The following SLC19A3 variants were observed in gnomAD, a reference collection of about 807,000 sequenced individuals.
SLC19A3 encodes the protein solute carrier family 19 member 3.
A neutral mutation model predicts 40.2 loss-of-function variants in SLC19A3; 31 were observed. The ratio of observed to expected loss-of-function variants is 0.77; its 90% CI spans 0.58 to 1.04. The LOEUF (loss-of-function observed/expected upper bound fraction) is 1.04. Among genes scored for constraint, SLC19A3 ranks in the 50% least tolerant of loss-of-function variants. The pLI, the probability that SLC19A3 is intolerant of heterozygous loss-of-function variation, is 0.00. For synonymous variants in SLC19A3, 212 were observed against 227.5 expected, an observed-to-expected ratio of 0.93 and a Z score of 0.61; for missense variants, 592 against 596.7, an observed-to-expected ratio of 0.99 and a Z score of 0.08.
At chr2:227,687,673 T>G (rs1695070403) in intron 5 of SLC19A3, 100 bp from the exon 6 acceptor site, 12 of 1,274,434 alleles carry the variant, frequency 9.4e-6, no homozygotes, top group Non-Finnish European at 1.3e-5. Context: ...ATGGGGTAAC[T>G]GAGACCCAGG....
intron 2 of SLC19A3, among the ~76,000 whole-genome samples, chr2:227,699,790 T>G (rs549417179): frequency 4.6e-5 from 7 of 152,202 alleles, no homozygotes; most frequent in Non-Finnish European, 1.0e-4. Context: ...TATATTGGCT[T>G]ATTGTGCAAT....
intron 1 of SLC19A3, among the ~76,000 whole-genome samples, chr2:227,710,387 C>T (rs1696095794): frequency 6.6e-6 from 1 of 152,184 alleles, no homozygotes; most frequent in Non-Finnish European, 1.5e-5. Flanking sequence ...GTTTGCCAGA[C>T]TCCATCTCTA....
intron 4 of SLC19A3, among the ~76,000 whole-genome samples, chr2:227,689,593 C>T (rs956353809): frequency 6.6e-6 from 1 of 152,152 alleles, no homozygotes; most frequent in African/African-American, 2.4e-5. Context: ...ACCTGTCCTA[C>T]AAGAAATGCT....
Position 227,695,996 on chromosome 2 carries a change from G to C in SLC19A3, c.1065C>G (p.Val355=). 1 of 1,614,102 alleles carries C rather than the reference G, an allele frequency of 6.2e-7. No individual in the cohort carries two copies. The highest frequency in any genetic ancestry group is 8.5e-7 in the Non-Finnish European group (1 of 1,180,012). Reference sequence around the variant, plus strand: ...GCATGAGAAATAAAGAACCGGCATTGACAACTGAGAAGACCACCAGAGCCA... The same window carrying C: ...GCATGAGAAATAAAGAACCGGCATTCACAACTGAGAAGACCACCAGAGCCA... ...GELALVVFSV[V]NAGSLFLMHY... Residue 355 remains valine, a synonymous_variant, in exon 4 of 6, where the codon GTC becomes GTG. Coordinates refer to ENST00000644224, the MANE Select transcript of SLC19A3 (RefSeq NM_025243.4).
rs1269783146 is a variant in SLC19A3 at position 227,686,318 on chromosome 2, C to T, written c.*1079G>A. On this transcript the variant is annotated 3_prime_UTR_variant, in exon 6 of 6. Coordinates refer to ENST00000644224, the MANE Select transcript of SLC19A3 (RefSeq NM_025243.4). ...ATTTTAGACAGACACCACACAGGTG[C>T]TCTTTTTTGGGAGGAGGGGGATGAG... 1.4e-5 allele frequency: 4 copies of T among 287,890 alleles called. No homozygotes were observed. The East Asian group carries it at 4.9e-4, about 35-fold the overall frequency. 17.8% of individuals were successfully genotyped at this position (287,890 alleles called of 1,614,324 possible).
chr2:227,705,940 T>A (rs1020401509), intron 1 of SLC19A3, among the ~76,000 whole-genome samples: 17 of 151,934 alleles, frequency 1.1e-4, no homozygotes, highest in African/African-American at 4.1e-4. Context: ...CCTAGCTACT[T>A]GGGAGGCTGA....
At chr2:227,697,155 A>G (rs1284948757) in intron 3 of SLC19A3, among the ~76,000 whole-genome samples, 2 of 148,052 alleles carry the variant, frequency 1.4e-5, no homozygotes, top group Admixed American at 6.7e-5. Context: ...ACCACAGAGG[A>G]AAAAAAAAAT....
chr2:227,704,895 A>ATTATTATTG (rs1695867431), intron 1 of SLC19A3, among the ~76,000 whole-genome samples: 1 of 151,850 alleles, frequency 6.6e-6, no homozygotes, highest in Non-Finnish European at 1.5e-5. Flanking sequence ...TATTATTATT[A>ATTATTATTG]TTTGAGATGG....
At position 227,695,888 on chromosome 2, in the gene SLC19A3, C is replaced by T. The variant is rs1219632810; in HGVS notation, c.1172+1G>A. ...TTTTAGGAGTGGTTGGTAAAACTTACACTGCTATGGTTATAAGAAGCATAT... is the reference window on the plus strand; with the variant it reads ...TTTTAGGAGTGGTTGGTAAAACTTATACTGCTATGGTTATAAGAAGCATAT... On this transcript the variant is annotated splice_donor_variant, in intron 4 of 5. Coordinates refer to ENST00000644224, the MANE Select transcript of SLC19A3 (RefSeq NM_025243.4). LOFTEE classifies it high-confidence loss of function. 3.7e-6 allele frequency: 6 copies of T among 1,613,692 alleles called. No homozygotes were observed. Among genetic ancestry groups the T allele is most frequent in the Non-Finnish European group, 5.1e-6 (6 of 1,179,954 alleles).
At chr2:227,700,070 T>A (rs1388363040) in intron 2 of SLC19A3, among the ~76,000 whole-genome samples, 1 of 150,708 alleles carries the variant, frequency 6.6e-6, no homozygotes, top group Non-Finnish European at 1.5e-5. Flanking sequence ...AGAGACGGGG[T>A]TTCACCATGT....
chr2:227,701,755 T>G (rs1695703607), intron 2 of SLC19A3: 1 of 161,342 alleles, frequency 6.2e-6, no homozygotes, highest in Admixed American at 6.1e-5. Flanking sequence ...ATGGCTCACC[T>G]GCTGGCAAAC....
At chr2:227,687,667 G>A in intron 5 of SLC19A3, 94 bp from the exon 6 acceptor site, 1 of 1,361,344 alleles carries the variant, frequency 7.3e-7, no homozygotes, top group Non-Finnish European at 1.0e-6. Context: ...TGGATTATGG[G>A]GTAACTGAGA....
chr2:227,716,674 C>T (rs1158576110), intron 1 of SLC19A3, among the ~76,000 whole-genome samples: 2 of 152,150 alleles, frequency 1.3e-5, no homozygotes, highest in Non-Finnish European at 2.9e-5. Flanking sequence ...ACCTCATTTG[C>T]CAGGGTAGTC....
chr2:227,698,903 T>G lies in SLC19A3; in HGVS notation c.812A>C (p.Glu271Ala). 8.1e-6 allele frequency: 13 copies of G among 1,614,024 alleles called. No individual in the cohort carries two copies. The highest frequency in any genetic ancestry group is 1.0e-5 in the Non-Finnish European group (12 of 1,179,948). The change falls in exon 3 of 6, where the codon GAG (glutamate) becomes GCG (alanine). Residue 271 changes from glutamate (E) to alanine (A), a missense_variant. Physicochemically the swap from Glu to Ala is moderately radical, Grantham distance 107. Transcript: ENST00000644224. Reference protein sequence around the residue: ...VFVQWFQDLKECYSSKRLFYW... With the variant: ...VFVQWFQDLKACYSSKRLFYW... ...GAAAAGACGTTTTGAGGAGTAGCAC[T>G]CCTTCAAATCTTGGAACCACTGCAC...
chr2:227,694,170 C>A (rs141871107), intron 4 of SLC19A3, among the ~76,000 whole-genome samples: 5 of 152,130 alleles, frequency 3.3e-5, no homozygotes, highest in African/African-American at 1.2e-4. Flanking sequence ...CCATGCCCAG[C>A]TAATTTTTGT....
intron 1 of SLC19A3, chr2:227,714,315 T>A: frequency 1.8e-6 from 1 of 544,288 alleles, no homozygotes; most frequent in Non-Finnish European, 2.3e-6. Flanking sequence ...ACATTTCTGA[T>A]GAAAACAGTG....
intron 3 of SLC19A3, among the ~76,000 whole-genome samples, chr2:227,697,848 C>T (rs1374417390): frequency 2.6e-5 from 4 of 151,930 alleles, no homozygotes; most frequent in South Asian, 2.1e-4. Flanking sequence ...GAGGCTGAGG[C>T]GGGTAGATCA....
intron 1 of SLC19A3, chr2:227,706,242 G>T: frequency 9.2e-7 from 1 of 1,089,408 alleles, no homozygotes; most frequent in Non-Finnish European, 1.2e-6. Flanking sequence ...CTAAAAAAGT[G>T]CTCTAAACGT....
Position 227,717,994 on chromosome 2 carries a change from G to T in SLC19A3, c.-54C>A, listed in dbSNP as rs1696389854. 3 of 985,148 alleles carry T rather than the reference G, an allele frequency of 3.0e-6. No homozygotes were observed. Among genetic ancestry groups the T allele is most frequent in the East Asian group, 1.1e-4 (1 of 8,804 alleles). 61.0% of individuals were successfully genotyped at this position (985,148 alleles called of 1,614,324 possible). A position where few individuals can be genotyped will look rare whatever the true frequency, so the allele number is the denominator to read the frequency against. ...AATCGCTCACTTGCCGCACGACCAC[G>T]CACCCGCGGCTGTCGGATGGATCCA... On this transcript the variant is annotated 5_prime_UTR_variant, in exon 1 of 6. Transcript: ENST00000644224.
Sources: allele counts gnomAD v4.1 joint callset (sites outside exome capture counted in the v4.1 genomes callset), GRCh38; gene constraint gnomAD v4.1.1; transcripts MANE v1.5; gene names NCBI Gene and HGNC (gene_info 2026-07-23, HGNC 2026-07-21).